Variants in SIAH3 observed in about 807,000 individuals in gnomAD.
The protein encoded by SIAH3 is seven in absentia homolog 3.
SIAH3 carries 9 observed loss-of-function variants against 12.6 expected under a neutral mutation model. The ratio of observed to expected loss-of-function variants is 0.72; its 90% CI spans 0.43 to 1.25. The LOEUF is 1.25. SIAH3 is among the 50% of genes most tolerant of loss of function. The pLI is 0.00. For missense variants in SIAH3, 390 were observed against 365.4 expected (o/e 1.07, Z -0.55); for synonymous variants, 154 against 151.1 (o/e 1.02, Z -0.14).
At chr13:45,794,121 C>T (rs1490841320) in intron 1 of SIAH3, among the ~76,000 whole-genome samples, 2 of 148,526 alleles carry the variant, frequency 1.3e-5, no homozygotes, top group Non-Finnish European at 1.5e-5. Context: ...GAGATGGAGT[C>T]TTACTCTGTC....
chr13:45,795,643 T>G (rs1288979869), intron 1 of SIAH3, among the ~76,000 whole-genome samples: 9 of 152,198 alleles, frequency 5.9e-5, no homozygotes. Context: ...GAGTCTCGTG[T>G]CTTCTACCAG....
chr13:45,796,426 G>T (rs1566088549), intron 1 of SIAH3, among the ~76,000 whole-genome samples: 1 of 152,200 alleles, frequency 6.6e-6, no homozygotes, highest in Non-Finnish European at 1.5e-5. Flanking sequence ...GGTTGCATCA[G>T]GTTGCCTGCG....
chr13:45,783,719 G>A lies in SIAH3; in HGVS notation c.474C>T (p.Ile158=). The change falls in exon 2 of 2, where the codon ATC becomes ATT. Residue 158 remains isoleucine (I), a synonymous_variant. Coordinates refer to ENST00000400405, the MANE Select transcript of SIAH3 (RefSeq NM_198849.3). ...MHLPAPADWI[I]MHSCLGHHFL... The stretch of plus-strand genomic sequence containing the variant: ...AGTGGTGGCCAAGGCAGGAGTGCAT[G>A]ATGATCCAATCAGCCGGCGCGGGGA... The A allele has an allele frequency of 6.2e-7, 1 of 1,614,158 alleles. No homozygotes were observed. Among genetic ancestry groups the A allele is most frequent in the Non-Finnish European group, 8.5e-7 (1 of 1,180,010 alleles).
intron 1 of SIAH3, among the ~76,000 whole-genome samples, chr13:45,830,892 A>G (rs1950696228): frequency 6.6e-6 from 1 of 152,144 alleles, no homozygotes; most frequent in Non-Finnish European, 1.5e-5. Context: ...AGAATGGTCT[A>G]TGTTGGCAGG....
At chr13:45,804,990 A>ACACG (rs1950593931) in intron 1 of SIAH3, among the ~76,000 whole-genome samples, 1 of 151,164 alleles carries the variant, frequency 6.6e-6, no homozygotes, top group Non-Finnish European at 1.5e-5. Context: ...ACACACACAC[A>ACACG]CACACACACA....
intron 1 of SIAH3, among the ~76,000 whole-genome samples, chr13:45,792,546 C>A (rs186019509): frequency 6.6e-6 from 1 of 151,896 alleles, no homozygotes; most frequent in Non-Finnish European, 1.5e-5. Context: ...TTAGTAGAGA[C>A]GGGATTTCAC....
chr13:45,809,230 G>A (rs1324432281), intron 1 of SIAH3, among the ~76,000 whole-genome samples: 1 of 152,218 alleles, frequency 6.6e-6, no homozygotes, highest in Non-Finnish European at 1.5e-5. Flanking sequence ...GGGCTCCGCA[G>A]AACTGAGACC....
At chr13:45,820,514 A>G (rs1184285735) in intron 1 of SIAH3, among the ~76,000 whole-genome samples, 1 of 152,154 alleles carries the variant, frequency 6.6e-6, no homozygotes, top group Non-Finnish European at 1.5e-5. Flanking sequence ...GAGAGAACAT[A>G]TTTTGTTTAA....
intron 1 of SIAH3, among the ~76,000 whole-genome samples, chr13:45,790,353 T>C (rs1008642324): frequency 7.2e-5 from 11 of 152,186 alleles, no homozygotes; most frequent in Admixed American, 6.5e-4. Context: ...ATGAAAAGGG[T>C]CCATATAGAT....
In SIAH3 at chr13:45,783,688, A is replaced by G; in HGVS notation, c.505T>C (p.Leu169=). ...MHSCLGHHFL[L]VLRKQERHEG... ...TGCCTCTCCTGTTTCCTCAGCACCA[A>G]CAGAAAGTGGTGGCCAAGGCAGGAG... Residue 169 remains leucine, a synonymous_variant, in exon 2 of 2, where the codon TTG becomes CTG. Transcript: ENST00000400405. The G allele has an allele frequency of 6.2e-7, 1 of 1,614,104 alleles. No homozygotes were observed. The highest frequency in any genetic ancestry group is 8.5e-7 in the Non-Finnish European group (1 of 1,179,992).
rs1950504244 is a variant in SIAH3 at position 45,781,627 on chromosome 13, C to T, written c.*1756G>A. On this transcript the variant is annotated 3_prime_UTR_variant, in exon 2 of 2. Coordinates refer to ENST00000400405, the MANE Select transcript of SIAH3 (RefSeq NM_198849.3). Reference sequence around the variant, plus strand: ...CTCTGACGGAATGCAGTCTCAGCCCCAGGGGCCCAGCGATTACTGTGTGAC... The same window carrying T: ...CTCTGACGGAATGCAGTCTCAGCCCTAGGGGCCCAGCGATTACTGTGTGAC... 6.6e-6 allele frequency: 1 copy of T among 152,238 alleles called. No individual in the cohort carries two copies. Among genetic ancestry groups the T allele is most frequent in the South Asian group, 2.1e-4 (1 of 4,828 alleles). 9.4% of individuals were successfully genotyped at this position (152,238 alleles called of 1,614,324 possible). A position where few individuals can be genotyped will look rare whatever the true frequency, so the allele number is the denominator to read the frequency against.
chr13:45,793,997 G>A (rs914529136), intron 1 of SIAH3, among the ~76,000 whole-genome samples: 11 of 152,228 alleles, frequency 7.2e-5, no homozygotes, highest in African/African-American at 2.4e-4. Context: ...TTGGAGTGAT[G>A]TGGCTGCAAG....
intron 1 of SIAH3, among the ~76,000 whole-genome samples, chr13:45,789,977 C>T (rs535361534): frequency 4.6e-5 from 7 of 152,296 alleles, no homozygotes; most frequent in East Asian, 3.9e-4. Context: ...GAGTGGTTTT[C>T]GAGCTGTAAA....
chr13:45,849,082 G>C (rs1950770516), intron 1 of SIAH3, among the ~76,000 whole-genome samples: 1 of 152,186 alleles, frequency 6.6e-6, no homozygotes, highest in Admixed American at 6.5e-5. Flanking sequence ...CTCTGCAAAT[G>C]GCTATTAGCC....
In SIAH3 at chr13:45,826,435, GGAT is replaced by G. The variant is rs1950676546; in HGVS notation, c.135+25057_135+25059del. ...TGGATGGATGGATGGATGGATGAAT[GGAT>G]GCATGGATGGATGGATGGATGAATG... On this transcript the variant is annotated intron_variant, in intron 1 of 1. Coordinates refer to ENST00000400405, the MANE Select transcript of SIAH3 (RefSeq NM_198849.3). Among the ~76,000 whole-genome samples the G allele has an allele frequency of 1.1e-4, 13 of 115,534 alleles. 3 individuals carry two copies. Among genetic ancestry groups the G allele is most frequent in the East Asian group, 6.0e-4 (2 of 3,334 alleles). 75.8% of individuals were successfully genotyped at this position (115,534 alleles called of 152,430 possible). A position where few individuals can be genotyped will look rare whatever the true frequency, so the allele number is the denominator to read the frequency against.
chr13:45,784,151 T>G, intron 1 of SIAH3, 94 bp from the exon 2 acceptor site: 3 of 1,141,142 alleles, frequency 2.6e-6, no homozygotes, highest in Non-Finnish European at 3.8e-6. Flanking sequence ...AAGCAGATCC[T>G]CCAGTGCAGG....
intron 1 of SIAH3, among the ~76,000 whole-genome samples, chr13:45,791,810 T>C (rs1433772934): frequency 6.6e-6 from 1 of 152,146 alleles, no homozygotes; most frequent in Non-Finnish European, 1.5e-5. Context: ...GTCTGCTGGG[T>C]TAACTCAGCA....
At position 45,851,597 on chromosome 13, in the gene SIAH3, T is replaced by C. The variant is rs771150801; in HGVS notation, c.33A>G (p.Val11=). The C allele has an allele frequency of 1.9e-6, 3 of 1,614,190 alleles. No homozygotes were observed. The highest frequency in any genetic ancestry group is 2.2e-5 in the East Asian group (1 of 44,890). Residue 11 remains valine, a synonymous_variant, in exon 1 of 2, where the codon GTA becomes GTG. Coordinates refer to ENST00000400405, the MANE Select transcript of SIAH3 (RefSeq NM_198849.3). MLFFTQCFGA[V]LDLIHLRFQH... ...GAAACCGGAGATGAATGAGATCTAA[T>C]ACAGCCCCAAAGCACTGGGTAAAGA... is the stretch of plus-strand genomic sequence containing the variant.
At chr13:45,787,189 A>G (rs1223531156) in intron 1 of SIAH3, among the ~76,000 whole-genome samples, 1 of 152,064 alleles carries the variant, frequency 6.6e-6, no homozygotes, top group Admixed American at 6.5e-5. Flanking sequence ...GGGTGAATGG[A>G]GATATTTGCA....
Sources: allele counts gnomAD v4.1 joint callset (sites outside exome capture counted in the v4.1 genomes callset), GRCh38; gene constraint gnomAD v4.1.1; transcripts MANE v1.5; gene names NCBI Gene and HGNC (gene_info 2026-07-23, HGNC 2026-07-21).